PRKCH: variants seen among roughly 807,000 people sequenced by gnomAD.
PRKCH encodes the protein protein kinase C eta, also known as protein kinase C eta type.
PRKCH carries 28 observed loss-of-function variants against 82.5 expected under a neutral mutation model. That is an observed-to-expected ratio of 0.34 (90% CI 0.25 to 0.47). The LOEUF (loss-of-function observed/expected upper bound fraction) is 0.47, where lower values mean the gene tolerates loss of function less well. Ranked by LOEUF, PRKCH falls within the 20% of genes least tolerant of loss-of-function variation. PRKCH has a pLI of 1.00. For synonymous variants in PRKCH, 322 were observed against 327.4 expected (o/e 0.98, Z 0.18); for missense variants, 705 against 881.8 (o/e 0.80, Z 2.54).
At chr14:61,358,658 A>G (rs1396537717) in intron 1 of PRKCH, among the ~76,000 whole-genome samples, 4 of 152,080 alleles carry the variant, frequency 2.6e-5, no homozygotes, top group East Asian at 3.9e-4. Context: ...CCCTCTTGTG[A>G]TGCTCCATTA....
At chr14:61,349,476 G>T (rs2046042156) in intron 1 of PRKCH, among the ~76,000 whole-genome samples, 1 of 152,176 alleles carries the variant, frequency 6.6e-6, no homozygotes, top group African/African-American at 2.4e-5. Context: ...TTCAAACCCA[G>T]TTCTTTGGTG....
rs149404764 is a variant in PRKCH at position 61,215,299 on chromosome 14, A to G, written c.-19+27631A>G. Among the ~76,000 whole-genome samples the G allele has an allele frequency of 3.1e-3, 473 of 152,294 alleles. 4 individuals are homozygous for G. The highest frequency in any genetic ancestry group is 0.011 in the African/African-American group (439 of 41,546). ...GGTCTGGGTCACATCCAACTGACCA[A>G]AGGCCTTAGAGCAAAGACTGAGGCT... is the stretch of plus-strand genomic sequence containing the variant. On this transcript the variant is annotated intron_variant, in intron 1 of 3. Transcript: ENST00000555185.
At chr14:61,386,119 C>T (rs377484550) in intron 1 of PRKCH, among the ~76,000 whole-genome samples, 12 of 152,284 alleles carry the variant, frequency 7.9e-5, no homozygotes, top group African/African-American at 2.9e-4. Flanking sequence ...TTTGGTTGCT[C>T]TCTCAGAATA....
At chr14:61,381,676 A>G (rs1315066494) in intron 1 of PRKCH, among the ~76,000 whole-genome samples, 4 of 152,166 alleles carry the variant, frequency 2.6e-5, no homozygotes, top group African/African-American at 9.7e-5. Context: ...TCGGGCCCTC[A>G]TTGAGAACCA....
rs766369964 is a variant in PRKCH, at chr14:61,255,512, C to T, written c.-19+67844C>T. On this transcript the variant is annotated intron_variant, in intron 1 of 3. Coordinates refer to the PRKCH transcript ENST00000555185. ...TGAGGCAATTTTTCCTTTTTCTGTC[C>T]GAAGAAGAGATTATTATCTTAAAAA... 1.6e-4 allele frequency among the ~76,000 whole-genome samples: 25 copies of T among 151,850 alleles called. 1 individual carries two copies. Among genetic ancestry groups the T allele is most frequent in the Non-Finnish European group, 1.8e-4 (12 of 67,984 alleles).
At chr14:61,502,478 G>A (rs1051472605) in intron 10 of PRKCH, among the ~76,000 whole-genome samples, 25 of 152,062 alleles carry the variant, frequency 1.6e-4, no homozygotes, top group African/African-American at 4.6e-4. Context: ...GCTTATAAAC[G>A]TTTATTGCAG....
At chr14:61,279,796 T>C in intron 1 of PRKCH, 1 of 411,788 alleles carries the variant, frequency 2.4e-6, no homozygotes, top group Non-Finnish European at 4.4e-6. Flanking sequence ...GGAGTCTCCA[T>C]AGGGATCCCT....
intron 1 of PRKCH, among the ~76,000 whole-genome samples, chr14:61,287,809 T>A (rs937188158): frequency 6.6e-6 from 1 of 151,928 alleles, no homozygotes; most frequent in Admixed American, 6.6e-5. Context: ...GGGGACACCA[T>A]GACAGTGTCT....
chr14:61,205,552 C>A (rs1321936049), intron 1 of PRKCH, among the ~76,000 whole-genome samples: 1 of 152,124 alleles, frequency 6.6e-6, no homozygotes, highest in Non-Finnish European at 1.5e-5. Context: ...TCCCTTAGCC[C>A]ACATCTGAGT....
intron 12 of PRKCH, chr14:61,537,416 G>A (rs979228449): frequency 1.3e-5 from 2 of 152,132 alleles, no homozygotes; most frequent in African/African-American, 4.8e-5. Context: ...ATGCCATCAG[G>A]TTTCTTAGGC....
intron 4 of PRKCH, among the ~76,000 whole-genome samples, chr14:61,446,385 G>T (rs938328422): frequency 1.4e-4 from 22 of 152,326 alleles, no homozygotes; most frequent in African/African-American, 5.3e-4. Context: ...TGTCATTTGG[G>T]TTCCCCCTTA....
chr14:61,228,781 C>T (rs900523377), intron 1 of PRKCH, among the ~76,000 whole-genome samples: 9 of 151,950 alleles, frequency 5.9e-5, no homozygotes, highest in African/African-American at 9.7e-5. Flanking sequence ...TGGCTCATGC[C>T]GCTAATCCTA....
At chr14:61,332,113 A>G (rs2045796412) in intron 1 of PRKCH, among the ~76,000 whole-genome samples, 1 of 152,210 alleles carries the variant, frequency 6.6e-6, no homozygotes, top group Non-Finnish European at 1.5e-5. Flanking sequence ...AGCCATTCTC[A>G]CTAGTTTGGC....
chr14:61,336,405 T>C (rs1957900), intron 1 of PRKCH, among the ~76,000 whole-genome samples: 149,359 of 152,296 alleles, frequency 0.98, 73,314 homozygotes, highest in East Asian at 1. Context: ...GAAGTTCTTG[T>C]AAGGAATATG....
chr14:61,387,558 G>A (rs895330629), intron 1 of PRKCH, among the ~76,000 whole-genome samples: 2 of 152,218 alleles, frequency 1.3e-5, no homozygotes, highest in African/African-American at 2.4e-5. Flanking sequence ...GTACAGGAAT[G>A]AAATAGGCCA....
intron 1 of PRKCH, among the ~76,000 whole-genome samples, chr14:61,307,597 A>C (rs1481673077): frequency 6.6e-6 from 1 of 152,242 alleles, no homozygotes; most frequent in Non-Finnish European, 1.5e-5. Context: ...CCTCATCTGT[A>C]AAATAAAGGT....
At chr14:61,295,305 C>T (rs937031364) in intron 1 of PRKCH, among the ~76,000 whole-genome samples, 1 of 152,104 alleles carries the variant, frequency 6.6e-6, no homozygotes, top group African/African-American at 2.4e-5. Context: ...AAAGAACTTC[C>T]AGGTCTGAAA....
Position 61,529,218 on chromosome 14 carries a change from G to A in PRKCH, c.1572+5G>A, listed in dbSNP as rs2043012152. On this transcript the variant is annotated splice_donor_5th_base_variant and intron_variant, in intron 11 of 13. Transcript: ENST00000332981. ...CCAGACTATATCGCTCCAGAGGTGAGTGCAGCTGCTTGATGCAGCTCTGAA... is the reference window on the plus strand; with the variant it reads ...CCAGACTATATCGCTCCAGAGGTGAATGCAGCTGCTTGATGCAGCTCTGAA... The A allele has an allele frequency of 6.2e-7, 1 of 1,605,620 alleles. No individual in the cohort carries two copies. The highest frequency in any genetic ancestry group is 8.5e-7 in the Non-Finnish European group (1 of 1,175,782).
At chr14:61,278,021 A>G (rs1277162083) in intron 1 of PRKCH, 1 of 152,252 alleles carries the variant, frequency 6.6e-6, no homozygotes, top group East Asian at 1.9e-4. Flanking sequence ...TCAAAAACCC[A>G]GAGAACAGGG....
Sources: allele counts gnomAD v4.1 joint callset (sites outside exome capture counted in the v4.1 genomes callset), GRCh38; gene constraint gnomAD v4.1.1; transcripts MANE v1.5; gene names NCBI Gene and HGNC (gene_info 2026-07-23, HGNC 2026-07-21).